Variants in MSRB3 observed in about 807,000 individuals in gnomAD.
MSRB3 encodes the protein methionine-R-sulfoxide reductase B3.
A neutral mutation model predicts 21.0 loss-of-function variants in MSRB3; 13 were observed. The ratio of observed to expected loss-of-function variants is 0.62; its 90% CI spans 0.40 to 0.98. The LOEUF (loss-of-function observed/expected upper bound fraction) is 0.98. Ranked by LOEUF, MSRB3 falls within the 50% of genes least tolerant of loss-of-function variation. The pLI, the probability that MSRB3 is intolerant of heterozygous loss-of-function variation, is 0.00. For missense variants in MSRB3, 199 were observed against 230.3 expected, an observed-to-expected ratio of 0.86 and a Z score of 0.88; for synonymous variants, 87 against 88.6, an observed-to-expected ratio of 0.98 and a Z score of 0.10.
At chr12:65,416,993 A>C (rs1881016633) in intron 5 of MSRB3, among the ~76,000 whole-genome samples, 1 of 152,182 alleles carries the variant, frequency 6.6e-6, no homozygotes, top group Admixed American at 6.5e-5. Context: ...AGACAACACA[A>C]GCACTACAGA....
intron 5 of MSRB3, among the ~76,000 whole-genome samples, chr12:65,371,313 A>G (rs1189044174): frequency 9.9e-5 from 13 of 130,954 alleles, no homozygotes; most frequent in Admixed American, 2.7e-4. Flanking sequence ...GGGCGACAAG[A>G]GCGAGACTCC....
chr12:65,310,054 G>A (rs1246047689), intron 2 of MSRB3, among the ~76,000 whole-genome samples: 2 of 152,212 alleles, frequency 1.3e-5, no homozygotes, highest in Non-Finnish European at 2.9e-5. Context: ...TTCTGTGAGA[G>A]AGGCTGGGAT....
intron 4 of MSRB3, among the ~76,000 whole-genome samples, chr12:65,337,168 G>C (rs984550062): frequency 1.4e-4 from 21 of 152,050 alleles, no homozygotes; most frequent in Admixed American, 3.9e-4. Context: ...GCGTGAACCC[G>C]GAAGGCGGAG....
At chr12:65,462,136 T>G (rs1883357304) in intron 6 of MSRB3, among the ~76,000 whole-genome samples, 1 of 152,158 alleles carries the variant, frequency 6.6e-6, no homozygotes. Flanking sequence ...TGAATGGAAG[T>G]CATTTACCCC....
intron 5 of MSRB3, among the ~76,000 whole-genome samples, chr12:65,439,283 G>A (rs967481638): frequency 6.6e-6 from 1 of 151,510 alleles, no homozygotes; most frequent in Non-Finnish European, 1.5e-5. Context: ...ATAAATATAT[G>A]AATAAGAATC....
At chr12:65,335,627 G>A (rs571747900) in intron 4 of MSRB3, among the ~76,000 whole-genome samples, 5 of 152,174 alleles carry the variant, frequency 3.3e-5, no homozygotes, top group South Asian at 4.1e-4. Flanking sequence ...TGTGTGTGGC[G>A]GGGGAGGATG....
At chr12:65,289,576 G>A (rs1371249218) in intron 1 of MSRB3, among the ~76,000 whole-genome samples, 1 of 152,104 alleles carries the variant, frequency 6.6e-6, no homozygotes, top group Non-Finnish European at 1.5e-5. Context: ...TGTATTTTAG[G>A]TGCAAGGGAT....
intron 6 of MSRB3, 28 bp from the exon 7 acceptor site, chr12:65,463,127 T>C (rs1484611220): frequency 1.2e-5 from 20 of 1,613,534 alleles, no homozygotes; most frequent in East Asian, 2.2e-5. Flanking sequence ...TACATGCTTT[T>C]CCCTGACGTT....
chr12:65,393,040 A>T (rs1473431345), intron 5 of MSRB3, among the ~76,000 whole-genome samples: 2 of 152,116 alleles, frequency 1.3e-5, no homozygotes, highest in Non-Finnish European at 2.9e-5. Flanking sequence ...GTAAATAAAA[A>T]TTCTTTAGTG....
chr12:65,419,608 G>A, intron 5 of MSRB3: 1 of 718,914 alleles, frequency 1.4e-6, no homozygotes, highest in South Asian at 1.4e-5. Flanking sequence ...GAAGATATGA[G>A]CCCTCAGGTC....
At chr12:65,383,939 G>A (rs568206124) in intron 5 of MSRB3, among the ~76,000 whole-genome samples, 31 of 152,280 alleles carry the variant, frequency 2.0e-4, no homozygotes, top group Admixed American at 1.9e-3. Flanking sequence ...GATTACAGGC[G>A]TGAGCCACTG....
intron 1 of MSRB3, chr12:65,286,684 AAAT>A (rs1449730910): frequency 6.6e-6 from 1 of 151,694 alleles, no homozygotes; most frequent in Non-Finnish European, 1.5e-5. Flanking sequence ...GCATTATTGA[AAAT>A]AAGCCTGTGC....
At chr12:65,376,668 A>C (rs1278720633) in intron 5 of MSRB3, among the ~76,000 whole-genome samples, 3 of 149,412 alleles carry the variant, frequency 2.0e-5, no homozygotes, top group African/African-American at 7.4e-5. Flanking sequence ...CATCACACAC[A>C]GGGGCCCGTC....
At chr12:65,304,799 G>A (rs748115827) in intron 1 of MSRB3, among the ~76,000 whole-genome samples, 1 of 152,162 alleles carries the variant, frequency 6.6e-6, no homozygotes, top group Admixed American at 6.6e-5. Context: ...GAAAGCTGCC[G>A]AATTGAAACT....
chr12:65,433,014 A>ACACAT (rs141698851), intron 5 of MSRB3, among the ~76,000 whole-genome samples: 24 of 151,044 alleles, frequency 1.6e-4, no homozygotes, highest in Non-Finnish European at 2.7e-4. Flanking sequence ...TTGGAATCTT[A>ACACAT]TACTAGTGGG....
intron 4 of MSRB3, among the ~76,000 whole-genome samples, chr12:65,335,155 A>G (rs558284945): frequency 5.3e-4 from 81 of 152,310 alleles, no homozygotes; most frequent in African/African-American, 4.3e-4. Flanking sequence ...TAAAAACTAA[A>G]TGCAGAAAAA....
chr12:65,434,427 A>G (rs1565890450), intron 5 of MSRB3, among the ~76,000 whole-genome samples: 2 of 152,108 alleles, frequency 1.3e-5, no homozygotes, highest in South Asian at 4.1e-4. Context: ...TAACATGGTA[A>G]GACAACAGAC....
chr12:65,279,009 A>C (rs1592479501), intron 1 of MSRB3, 144 bp downstream of exon 1: 1 of 1,464,054 alleles, frequency 6.8e-7, no homozygotes, highest in Middle Eastern at 1.8e-4. Context: ...CCCCTGCCTC[A>C]GCCGAGAAGG....
intron 5 of MSRB3, among the ~76,000 whole-genome samples, chr12:65,381,238 A>G (rs1376224833): frequency 1.3e-5 from 2 of 152,164 alleles, no homozygotes; most frequent in Non-Finnish European, 2.9e-5. Context: ...AACATAATAC[A>G]ATTAATACAG....
Sources: allele counts gnomAD v4.1 joint callset (sites outside exome capture counted in the v4.1 genomes callset), GRCh38; gene constraint gnomAD v4.1.1; transcripts MANE v1.5; gene names NCBI Gene and HGNC (gene_info 2026-07-23, HGNC 2026-07-21).